Variants in LAMA3 observed in about 807,000 individuals in gnomAD.
The protein encoded by LAMA3 is laminin subunit alpha 3, also known as laminin subunit alpha-3.
In LAMA3, 281 loss-of-function variants were observed where a neutral mutation model predicts 402.0. The ratio of observed to expected loss-of-function variants is 0.70; its 90% CI spans 0.63 to 0.77. LAMA3 has a LOEUF of 0.77. Ranked by LOEUF, LAMA3 falls within the 30% of genes least tolerant of loss-of-function variation. The pLI is 0.00. For missense variants in LAMA3, 3,840 were observed against 4,215.5 expected (o/e 0.91, Z 2.47); for synonymous variants, 1,431 against 1,558.4 (o/e 0.92, Z 1.93).
chr18:23,858,045 A>C, intron 33 of LAMA3, 57 bp downstream of exon 33: 6 of 1,602,214 alleles, frequency 3.7e-6, no homozygotes, highest in Non-Finnish European at 5.1e-6. Flanking sequence ...AAAGTGCTTC[A>C]TGTTGAGTCA....
intron 32 of LAMA3, among the ~76,000 whole-genome samples, chr18:23,849,846 T>C (rs1015568909): frequency 2.0e-5 from 3 of 152,210 alleles, no homozygotes; most frequent in African/African-American, 7.2e-5. Context: ...AAAGGGACTA[T>C]AATAATCTAA....
intron 67 of LAMA3, among the ~76,000 whole-genome samples, chr18:23,935,021 T>A (rs1240506951): frequency 6.6e-6 from 1 of 152,256 alleles, no homozygotes; most frequent in African/African-American, 2.4e-5. Context: ...AATTGCCCCA[T>A]CAAAATTGAA....
At chr18:23,875,090 C>T (rs2064662615) in intron 38 of LAMA3, among the ~76,000 whole-genome samples, 1 of 152,158 alleles carries the variant, frequency 6.6e-6, no homozygotes, top group Non-Finnish European at 1.5e-5. Context: ...ATCTCGAACT[C>T]CTGGGCTCAA....
chr18:23,946,854 A>G (rs981676759), intron 70 of LAMA3: 5 of 157,448 alleles, frequency 3.2e-5, no homozygotes, highest in African/African-American at 1.2e-4. Flanking sequence ...AGTGTGACCT[A>G]TGTGTTCTTT....
Position 23,903,986 on chromosome 18 carries a change from C to T in LAMA3, c.6372C>T (p.Asp2124=). Residue 2124 remains aspartate (D), a synonymous_variant, in exon 50 of 75, where the codon GAC becomes GAT. Coordinates refer to ENST00000313654, the MANE Select transcript of LAMA3 (RefSeq NM_198129.4). The part of the protein sequence containing the change: ...SLNEARQELS[D]KVRELSRSAG... ...ATGAAGCAAGACAAGAACTAAGTGA[C>T]AAAGTAAGAGAACTTTCCAGATCTG... 6.2e-7 allele frequency: 1 copy of T among 1,613,920 alleles called. No individual in the cohort carries two copies. Among genetic ancestry groups the T allele is most frequent in the Non-Finnish European group, 8.5e-7 (1 of 1,179,856 alleles).
At chr18:23,701,950 T>A (rs2060798025) in intron 1 of LAMA3, among the ~76,000 whole-genome samples, 1 of 152,128 alleles carries the variant, frequency 6.6e-6, no homozygotes. Context: ...TGCGAGGTTG[T>A]TTCAAGCACA....
intron 55 of LAMA3, among the ~76,000 whole-genome samples, chr18:23,911,126 G>T (rs1208797678): frequency 1.3e-5 from 2 of 149,862 alleles, no homozygotes; most frequent in Admixed American, 6.7e-5. Context: ...GTAGGAATTT[G>T]CCAGGTGACA....
intron 2 of LAMA3, among the ~76,000 whole-genome samples, chr18:23,716,892 C>T (rs2061110711): frequency 6.6e-6 from 1 of 152,144 alleles, no homozygotes; most frequent in South Asian, 2.1e-4. Flanking sequence ...ATTGTGCATC[C>T]CTCATAAGAT....
chr18:23,909,069 G>T, intron 54 of LAMA3, 84 bp from the exon 55 acceptor site: 2 of 1,354,326 alleles, frequency 1.5e-6, no homozygotes, highest in South Asian at 2.4e-5. Flanking sequence ...CATGCCACTT[G>T]ACAAATACTG....
In LAMA3 at chr18:23,824,557, G is replaced by A. The variant is rs772214136; in HGVS notation, c.2563G>A (p.Val855Ile). ...IWVACIKAEGVLLDYLVLLPR... is the reference protein window; with the variant it reads ...IWVACIKAEGILLDYLVLLPR... ...GGTTGCTTGTATTAAGGCAGAAGGA[G>A]TCCTTCTGGTAAGACTTAGTTCTGA... Residue 855 changes from valine (V) to isoleucine (I), a missense_variant, in exon 21 of 75, where the codon GTC becomes ATC. By Grantham distance (29) the Val-to-Ile change is conservative. Transcript: ENST00000313654. The A allele has an allele frequency of 1.2e-5, 19 of 1,613,896 alleles. No homozygotes were observed. The South Asian group carries it at 2.1e-4, about 18-fold the overall frequency.
At chr18:23,908,913 T>C (rs2081345835) in intron 54 of LAMA3, among the ~76,000 whole-genome samples, 2 of 152,206 alleles carry the variant, frequency 1.3e-5, no homozygotes, top group Admixed American at 6.5e-5. Flanking sequence ...ACTTATGAAT[T>C]GCTTATTTCT....
Position 23,894,310 on chromosome 18 carries a change from A to G in LAMA3, c.5423A>G (p.Gln1808Arg). 1 of 1,613,270 alleles carries G rather than the reference A, an allele frequency of 6.2e-7. No individual in the cohort carries two copies. The highest frequency in any genetic ancestry group is 8.5e-7 in the Non-Finnish European group (1 of 1,179,190). The change falls in exon 43 of 75, where the codon CAA becomes CGA. Residue 1808 changes from glutamine (Q) to arginine (R), a missense_variant. Coordinates refer to ENST00000313654, the MANE Select transcript of LAMA3 (RefSeq NM_198129.4). ...TTTCTGATTTTAGACTGCATAAACC[A>G]AGAACCCAAAGATAGCAGCCCTGCA... ...CHPLTGDCIN[Q>R]EPKDSSPAEE...
In LAMA3 at chr18:23,840,836, G is replaced by T. The variant is rs373416736; in HGVS notation, c.3336+907G>T. ...ATCCAAAATGCTTGTGATCAGAAAT[G>T]TTTTGAATTTCAGATTTTGGAATAT... On this transcript the variant is annotated intron_variant, in intron 27 of 74. Transcript: ENST00000313654. Among the ~76,000 whole-genome samples, 123 of 152,274 alleles carry T rather than the reference G, an allele frequency of 8.1e-4. 3 individuals carry two copies. The South Asian group carries it at 0.025, about 31-fold the overall frequency.
Position 23,763,931 on chromosome 18 carries a change from AAT to A in LAMA3, c.1182+409_1182+410del, listed in dbSNP as rs1452326606. The stretch of plus-strand genomic sequence containing the variant: ...CTCAGTGAGGAAATGCATCATGATC[AAT>A]TAATGATGTCTTTCATAGACATCAA... On this transcript the variant is annotated intron_variant, in intron 8 of 74. Coordinates refer to ENST00000313654, the MANE Select transcript of LAMA3 (RefSeq NM_198129.4). 2.6e-5 allele frequency among the ~76,000 whole-genome samples: 4 copies of A among 152,278 alleles called. No individual in the cohort carries two copies. The South Asian group carries it at 8.3e-4, about 32-fold the overall frequency.
intron 7 of LAMA3, among the ~76,000 whole-genome samples, chr18:23,763,123 G>A (rs2062005711): frequency 6.6e-6 from 1 of 152,060 alleles, no homozygotes; most frequent in African/African-American, 2.4e-5. Context: ...CTCCCAAAGT[G>A]CTGGAATTAC....
At chr18:23,909,452 T>C (rs1473918168) in intron 55 of LAMA3, among the ~76,000 whole-genome samples, 157 bp downstream of exon 55, 1 of 152,260 alleles carries the variant, frequency 6.6e-6, no homozygotes, top group African/African-American at 2.4e-5. Flanking sequence ...TTTTCTCCTG[T>C]CATCCTTTAC....
At chr18:23,788,201 A>G (rs1568184598) in intron 12 of LAMA3, among the ~76,000 whole-genome samples, 1 of 151,912 alleles carries the variant, frequency 6.6e-6, no homozygotes, top group Non-Finnish European at 1.5e-5. Context: ...GAAAACATAG[A>G]TTATATAAAT....
chr18:23,922,280 A>C (rs1430539377), intron 62 of LAMA3, among the ~76,000 whole-genome samples: 1 of 152,228 alleles, frequency 6.6e-6, no homozygotes, highest in Admixed American at 6.5e-5. Flanking sequence ...CAGCCTCATG[A>C]CTAAGTAAGA....
intron 7 of LAMA3, among the ~76,000 whole-genome samples, chr18:23,761,301 A>C (rs1446628606): frequency 6.6e-6 from 1 of 152,196 alleles, no homozygotes; most frequent in African/African-American, 2.4e-5. Context: ...ATAGAACTTA[A>C]AGTCAAACAA....
Sources: allele counts gnomAD v4.1 joint callset (sites outside exome capture counted in the v4.1 genomes callset), GRCh38; gene constraint gnomAD v4.1.1; transcripts MANE v1.5; gene names NCBI Gene and HGNC (gene_info 2026-07-23, HGNC 2026-07-21).